The following ATP1A4 variants were observed in gnomAD, a reference collection of about 807,000 sequenced individuals.
ATP1A4 encodes sodium/potassium-transporting ATPase subunit alpha-4.
In ATP1A4, 90 loss-of-function variants were observed where a neutral mutation model predicts 114.3. The ratio of observed to expected loss-of-function variants is 0.79; its 90% CI spans 0.66 to 0.94. ATP1A4 has a LOEUF of 0.94. Among genes scored for constraint, ATP1A4 ranks in the 40% least tolerant of loss-of-function variants. The pLI is 0.00. For synonymous variants in ATP1A4, 511 were observed against 494.1 expected (o/e 1.03, Z -0.45); for missense variants, 1,222 against 1,313.6 (o/e 0.93, Z 1.08).
chr1:160,160,485 G>A (rs1003432022), intron 6 of ATP1A4, among the ~76,000 whole-genome samples: 2 of 152,114 alleles, frequency 1.3e-5, no homozygotes, highest in African/African-American at 4.8e-5. Flanking sequence ...CCAAAGTGCT[G>A]GGATTACAGA....
chr1:160,186,489 A>G (rs551606496), intron 21 of ATP1A4, 122 bp downstream of exon 21: 1 of 1,064,058 alleles, frequency 9.4e-7, no homozygotes, highest in Admixed American at 1.9e-5. Flanking sequence ...GCCAGCCTTG[A>G]CTGCGCCTGG....
intron 6 of ATP1A4, 48 bp downstream of exon 6, chr1:160,159,574 A>C (rs778949031): frequency 2.3e-5 from 34 of 1,505,780 alleles, no homozygotes; most frequent in Non-Finnish European, 2.7e-5. Context: ...AGGCACCAAA[A>C]CATAAAGATT....
chr1:160,176,836 G>A (rs537624755), intron 17 of ATP1A4, among the ~76,000 whole-genome samples: 24 of 152,178 alleles, frequency 1.6e-4, no homozygotes, highest in Non-Finnish European at 2.5e-4. Context: ...AATGAGTATA[G>A]ACAGAACATA....
chr1:160,177,992 G>C (rs1298460116), intron 18 of ATP1A4, among the ~76,000 whole-genome samples: 3 of 152,184 alleles, frequency 2.0e-5, no homozygotes, highest in Non-Finnish European at 4.4e-5. Context: ...TTTCAACCAT[G>C]ATTGCCCCAG....
chr1:160,177,605 C>T lies in ATP1A4; in HGVS notation c.2677C>T (p.Arg893Cys), dbSNP rs368032000. Residue 893 changes from arginine to cysteine, a missense_variant, in exon 18 of 22, where the codon CGC (arginine) becomes TGC (cysteine). Physicochemically the swap from Arg to Cys is radical, Grantham distance 180. Transcript: ENST00000368081. ...TAGGCCTGTTGATCTGCTGGGCATC[C>T]GCCTCCACTGGGAAGATAAATACTT... is the stretch of plus-strand genomic sequence containing the variant. ...GFRPVDLLGI[R>C]LHWEDKYLND... 31 of 1,614,020 alleles carry T rather than the reference C, an allele frequency of 1.9e-5. No homozygotes were observed. The highest frequency in any genetic ancestry group is 1.2e-4 in the African/African-American group (9 of 74,898).
In ATP1A4 at chr1:160,158,861, A is replaced by T. The variant is rs1652766404; in HGVS notation, c.526-141A>T. 3 of 900,536 alleles carry T rather than the reference A, an allele frequency of 3.3e-6. No homozygotes were observed. The South Asian group carries it at 5.9e-5, about 18-fold the overall frequency. 55.8% of individuals were successfully genotyped at this position (900,536 alleles called of 1,614,324 possible). A position where few individuals can be genotyped will look rare whatever the true frequency, so the allele number is the denominator to read the frequency against. ...CATGGGAATTTGCAATCTGCCAAAG[A>T]CACCTTCAAGAATGATGTGGTGGGT... On this transcript the variant is annotated intron_variant, in intron 4 of 21. Transcript: ENST00000368081.
intron 21 of ATP1A4, 149 bp downstream of exon 21, chr1:160,186,516 C>A: frequency 9.4e-7 from 1 of 1,062,088 alleles, no homozygotes; most frequent in Non-Finnish European, 1.4e-6. Flanking sequence ...GACCTCTCTA[C>A]CCCTTGGCTG....
chr1:160,177,597 T>A lies in ATP1A4; in HGVS notation c.2669T>A (p.Leu890Gln), dbSNP rs1229895277. The change falls in exon 18 of 22, where the codon CTG becomes CAG. Residue 890 changes from leucine (L) to glutamine (Q), a missense_variant. By Grantham distance (113) the Leu-to-Gln change is moderately radical. Transcript: ENST00000368081. ...AATGGTTTTAGGCCTGTTGATCTGC[T>A]GGGCATCCGCCTCCACTGGGAAGAT... Reference protein sequence around the residue: ...AENGFRPVDLLGIRLHWEDKY... With the variant: ...AENGFRPVDLQGIRLHWEDKY... 4 of 1,614,212 alleles carry A rather than the reference T, an allele frequency of 2.5e-6. No homozygotes were observed. Among genetic ancestry groups the A allele is most frequent in the Non-Finnish European group, 3.4e-6 (4 of 1,180,040 alleles).
At chr1:160,154,963 G>A (rs1652586498) in intron 2 of ATP1A4, 82 bp from the exon 3 acceptor site, 6 of 1,328,672 alleles carry the variant, frequency 4.5e-6, no homozygotes. Context: ...CCATTCTGGG[G>A]CTCCAAATGT....
intron 16 of ATP1A4, 97 bp from the exon 17 acceptor site, chr1:160,176,382 T>C (rs1454926547): frequency 5.0e-6 from 8 of 1,594,486 alleles, no homozygotes; most frequent in African/African-American, 2.7e-5. Flanking sequence ...GCAAGATGGA[T>C]TGAGGCTGCG....
Position 160,159,089 on chromosome 1 carries a change from G to C in ATP1A4, c.613G>C (p.Asp205His). Residue 205 changes from aspartate (D) to histidine (H), a missense_variant, in exon 5 of 22, where the codon GAC becomes CAC. Transcript: ENST00000368081. ...AGACCTGGTGGAAATCAAGGGTGGA[G>C]ACCGAGTCCCTGCTGACCTCCGGCT... is the stretch of plus-strand genomic sequence containing the variant. ...LGDLVEIKGGDRVPADLRLIS... is the reference protein window; with the variant it reads ...LGDLVEIKGGHRVPADLRLIS... 1 of 1,614,142 alleles carries C rather than the reference G, an allele frequency of 6.2e-7. No individual in the cohort carries two copies. The highest frequency in any genetic ancestry group is 8.5e-7 in the Non-Finnish European group (1 of 1,180,002).
At chr1:160,185,144 G>A (rs570831173) in intron 20 of ATP1A4, among the ~76,000 whole-genome samples, 3 of 145,852 alleles carry the variant, frequency 2.1e-5, no homozygotes, top group Admixed American at 7.0e-5. Flanking sequence ...TCTTGGTCTC[G>A]CTCTGTCGCC....
At position 160,174,439 on chromosome 1, in the gene ATP1A4, G is replaced by C. The variant is rs12403475; in HGVS notation, c.2143-140G>C. The C allele has an allele frequency of 4.1e-3, 5,816 of 1,431,810 alleles. 163 individuals carry two copies. The East Asian group carries it at 0.067, about 17-fold the overall frequency. 88.7% of individuals were successfully genotyped at this position (1,431,810 alleles called of 1,614,324 possible). On this transcript the variant is annotated intron_variant, in intron 14 of 21. Coordinates refer to ENST00000368081, the MANE Select transcript of ATP1A4 (RefSeq NM_144699.4). The stretch of plus-strand genomic sequence containing the variant: ...CCCTGAAAGTTTAAATATCTCAGGA[G>C]GAGTGGGAGAAGGACGGGAGCCCTA...
intron 5 of ATP1A4, 31 bp downstream of exon 5, chr1:160,159,167 C>T (rs776678607): frequency 6.2e-7 from 1 of 1,605,722 alleles, no homozygotes; most frequent in African/African-American, 1.3e-5. Flanking sequence ...ATGTGAGGGA[C>T]CCAAGCGTGA....
At chr1:160,155,290 T>C (rs1176441298) in intron 3 of ATP1A4, 42 bp downstream of exon 3, 17 of 1,552,240 alleles carry the variant, frequency 1.1e-5, no homozygotes, top group Non-Finnish European at 1.4e-5. Flanking sequence ...TATCTCTGCT[T>C]AGCCCCAGAC....
intron 18 of ATP1A4, among the ~76,000 whole-genome samples, chr1:160,180,040 AG>A (rs1653624651): frequency 6.6e-6 from 1 of 152,248 alleles, no homozygotes; most frequent in African/African-American, 2.4e-5. Flanking sequence ...GAGGAGATCA[AG>A]GAACTGTGAG....
chr1:160,153,505 T>C (rs1386963835), intron 2 of ATP1A4, among the ~76,000 whole-genome samples: 2 of 152,232 alleles, frequency 1.3e-5, no homozygotes, highest in African/African-American at 4.8e-5. Context: ...TTAGAATTTA[T>C]CTAGGACCGC....
chr1:160,152,280 G>A (rs1380386045), intron 1 of ATP1A4, 93 bp downstream of exon 1: 3 of 1,393,280 alleles, frequency 2.2e-6, no homozygotes, highest in Admixed American at 2.5e-5. Flanking sequence ...AAACACACAG[G>A]CCAGAGCCAC....
rs1653915250 is a variant in ATP1A4 at position 160,186,931 on chromosome 1, T to C, written c.*232T>C. ...CCCGCAGGGAGGGGCATGGTCCTGC[T>C]GAATCCCGTAGCCAGTCTAGACAGT... On this transcript the variant is annotated 3_prime_UTR_variant, in exon 22 of 22. Transcript: ENST00000368081. The C allele has an allele frequency of 1.7e-6, 1 of 588,226 alleles. No individual in the cohort carries two copies. 36.4% of individuals were successfully genotyped at this position (588,226 alleles called of 1,614,324 possible).
Sources: gnomAD v4.1 joint callset for allele counts (sites outside exome capture counted in the v4.1 genomes callset) on GRCh38, gnomAD v4.1.1 for gene constraint, MANE v1.5 for transcripts, NCBI Gene and HGNC (gene_info 2026-07-23, HGNC 2026-07-21) for gene names.